Variants in PACRGL observed in about 807,000 individuals in gnomAD.
The protein encoded by PACRGL is parkin coregulated like, also known as PACRG-like protein.
In PACRGL, 38 loss-of-function variants were observed where a neutral mutation model predicts 34.5. The observed-to-expected ratio is 1.10, with a 90% CI of 0.85 to 1.44. The LOEUF is 1.44. PACRGL is among the 40% of genes most tolerant of loss of function. PACRGL has a pLI of 0.00. For synonymous variants in PACRGL, 128 were observed against 100.1 expected (o/e 1.28, Z -1.66); for missense variants, 305 against 281.4 (o/e 1.08, Z -0.60).
chr4:20,713,392 C>T (rs368991028), intron 6 of PACRGL, 40 bp from the exon 7 acceptor site: 2 of 1,480,526 alleles, frequency 1.4e-6, no homozygotes, highest in South Asian at 1.1e-5. Flanking sequence ...CTCCTCTCTT[C>T]CCTGATGTCC....
At chr4:20,709,891 A>G (rs1736311845) in intron 5 of PACRGL, 118 bp downstream of exon 5, 6 of 742,214 alleles carry the variant, frequency 8.1e-6, no homozygotes, top group African/African-American at 5.2e-5. Context: ...GAAGCACACA[A>G]TAGGCATTGA....
chr4:20,712,826 A>T lies in PACRGL; in HGVS notation c.405A>T (p.Ser135=). 1.3e-6 allele frequency: 2 copies of T among 1,597,416 alleles called. No homozygotes were observed. Among genetic ancestry groups the T allele is most frequent in the Non-Finnish European group, 1.7e-6 (2 of 1,170,132 alleles). ...CTAAGCATCCATACACTTTTGTGTC[A>T]AAGGAGGGTTTTAGAGAATTACTTT... The part of the protein sequence containing the change: ...RETKHPYTFV[S]KEGFRELLLV... The change falls in exon 6 of 9, where the codon TCA becomes TCT. Residue 135 remains serine, a synonymous_variant. Coordinates refer to ENST00000503585, the MANE Select transcript of PACRGL (RefSeq NM_001258345.3).
intron 8 of PACRGL, among the ~76,000 whole-genome samples, chr4:20,751,354 T>C (rs1753590686): frequency 6.6e-6 from 1 of 152,178 alleles, no homozygotes; most frequent in South Asian, 2.1e-4. Context: ...AGGAGTTTAA[T>C]TACCATAAAC....
In PACRGL at chr4:20,728,466, C is replaced by CAA. The variant is rs1746691037; in HGVS notation, c.*1126_*1127dup. On this transcript the variant is annotated 3_prime_UTR_variant, in exon 9 of 9. Transcript: ENST00000503585. ...TAATAGAAGCAATTCCCTCTGGCTACAACAGCTGCCTGCCTGCTGGCCTTG... is the reference window on the plus strand; with the variant it reads ...TAATAGAAGCAATTCCCTCTGGCTACAAAACAGCTGCCTGCCTGCTGGCCTTG... 6.6e-6 allele frequency: 1 copy of CAA among 152,234 alleles called. No individual in the cohort carries two copies. The allele number at this position is 152,234 out of a possible 1,614,324, so 9.4% of individuals were successfully genotyped here.
chr4:20,732,676 C>T, downstream of PACRGL: 1 of 1,594,086 alleles, frequency 6.3e-7, no homozygotes, highest in Non-Finnish European at 8.6e-7. Context: ...TGTTTTAATT[C>T]CTACCTGAAA....
Position 20,704,863 on chromosome 4 carries a change from G to A in PACRGL, c.207+49G>A, listed in dbSNP as rs372081853. 4.2e-5 allele frequency: 67 copies of A among 1,585,080 alleles called. 1 individual carries two copies. The highest frequency in any genetic ancestry group is 3.9e-4 in the African/African-American group (29 of 74,232). On this transcript the variant is annotated intron_variant, in intron 3 of 8. Transcript: ENST00000503585. ...TCAGTAGATTTTTTAAAGGCATTTCGCACAGTATTGAACAATGCTGGATGC... is the reference window on the plus strand; with the variant it reads ...TCAGTAGATTTTTTAAAGGCATTTCACACAGTATTGAACAATGCTGGATGC...
upstream of PACRGL, among the ~76,000 whole-genome samples, chr4:20,699,112 CTA>C: frequency 6.6e-6 from 1 of 152,190 alleles, no homozygotes; most frequent in South Asian, 2.1e-4. Context: ...ACTAGGAGCT[CTA>C]CTGAGTCTGA....
At chr4:20,699,731 T>G (rs1365323314), upstream of PACRGL, among the ~76,000 whole-genome samples, 1 of 152,174 alleles carries the variant, frequency 6.6e-6, no homozygotes, top group African/African-American at 2.4e-5. Context: ...GGGCTTGGAC[T>G]TAACTATGAC....
chr4:20,706,239 CAAAG>C (rs1201084950), intron 3 of PACRGL, among the ~76,000 whole-genome samples: 2 of 151,862 alleles, frequency 1.3e-5, no homozygotes, highest in East Asian at 1.9e-4. Context: ...AATTGAAAGG[CAAAG>C]AAAGGAATTG....
chr4:20,707,560 A>C (rs1428820392), intron 3 of PACRGL, among the ~76,000 whole-genome samples: 1 of 152,218 alleles, frequency 6.6e-6, no homozygotes, highest in East Asian at 1.9e-4. Flanking sequence ...AGGTAGAAAG[A>C]ACTATCATTC....
At chr4:20,698,063 A>G (rs189489540), upstream of PACRGL, among the ~76,000 whole-genome samples, 819 of 152,236 alleles carry the variant, frequency 5.4e-3, 9 homozygotes, top group African/African-American at 0.019. Context: ...AGGAGAATGA[A>G]TACTCTGACT....
At position 20,717,343 on chromosome 4, in the gene PACRGL, C is replaced by T. The variant is rs1361492530; in HGVS notation, c.609+3804C>T. Among the ~76,000 whole-genome samples the T allele has an allele frequency of 2.0e-5, 3 of 152,186 alleles. No homozygotes were observed. The South Asian group carries it at 6.2e-4, about 32-fold the overall frequency. ...GCAGAAGCTCTTTAGTTTAATTAGACACCAGTTGTCAATTTTGGCTTTTGT... is the reference window on the plus strand; with the variant it reads ...GCAGAAGCTCTTTAGTTTAATTAGATACCAGTTGTCAATTTTGGCTTTTGT... On this transcript the variant is annotated intron_variant, in intron 7 of 8. Coordinates refer to ENST00000503585, the MANE Select transcript of PACRGL (RefSeq NM_001258345.3).
Position 20,701,849 on chromosome 4 carries a change from G to A in PACRGL, c.-17+1062G>A, listed in dbSNP as rs116039984. 190 of 456,538 alleles carry A rather than the reference G, an allele frequency of 4.2e-4. 1 individual carries two copies. Among genetic ancestry groups the A allele is most frequent in the African/African-American group, 3.4e-3 (173 of 50,152 alleles). The allele number at this position is 456,538 out of a possible 1,614,324, so 28.3% of individuals were successfully genotyped here. On this transcript the variant is annotated intron_variant, in intron 1 of 8. Coordinates refer to ENST00000503585, the MANE Select transcript of PACRGL (RefSeq NM_001258345.3). ...GGTCAAATCTATAGATGTGGAACCCGCATATACGGAGAGCCAACTGTAATT... is the reference window on the plus strand; with the variant it reads ...GGTCAAATCTATAGATGTGGAACCCACATATACGGAGAGCCAACTGTAATT...
rs1748433382 is a variant in PACRGL at position 20,732,120 on chromosome 4, C to T, written c.*4779C>T. On this transcript the variant is annotated 3_prime_UTR_variant, in exon 9 of 9. Transcript: ENST00000503585. ...ATTTAGACTTATCCCTTAATACCCT[C>T]ACACCTGGACCAAATGAGCTGAAGC... 1 of 1,211,158 alleles carries T rather than the reference C, an allele frequency of 8.3e-7. No individual in the cohort carries two copies. Among genetic ancestry groups the T allele is most frequent in the Non-Finnish European group, 1.2e-6 (1 of 824,058 alleles). 75.0% of individuals were successfully genotyped at this position (1,211,158 alleles called of 1,614,324 possible). A position where few individuals can be genotyped will look rare whatever the true frequency, so the allele number is the denominator to read the frequency against.
the PACRGL span, chr4:20,758,721 C>A: frequency 9.1e-6 from 8 of 883,326 alleles, no homozygotes; most frequent in African/African-American, 1.7e-5. Context: ...TTTTACATAA[C>A]GATTAAAAAT....
chr4:20,706,877 T>G (rs1011972852), intron 3 of PACRGL, among the ~76,000 whole-genome samples: 2 of 152,156 alleles, frequency 1.3e-5, no homozygotes, highest in African/African-American at 4.8e-5. Flanking sequence ...CCTGGCCAGA[T>G]ATGAATCTTT....
At chr4:20,717,813 G>A (rs1427983299) in intron 7 of PACRGL, among the ~76,000 whole-genome samples, 4 of 152,072 alleles carry the variant, frequency 2.6e-5, no homozygotes, top group Non-Finnish European at 5.9e-5. Context: ...TCTTGGCAAT[G>A]TGGGCTCTTT....
Position 20,704,637 on chromosome 4 carries a change from A to G in PACRGL, c.53-23A>G, listed in dbSNP as rs372017162. 143 of 1,613,900 alleles carry G rather than the reference A, an allele frequency of 8.9e-5. No individual in the cohort carries two copies. In the African/African-American group the frequency reaches 1.7e-3, roughly 19 times the overall value. On this transcript the variant is annotated intron_variant, in intron 2 of 8. Transcript: ENST00000503585. ...ACTTTATTGCTTGTACCTGGTTTCT[A>G]TTGATGTTCTGTTTTTTTCCAGGTA...
intron 8 of PACRGL, among the ~76,000 whole-genome samples, chr4:20,748,902 A>G (rs374200966): frequency 0.16 from 22,115 of 134,188 alleles, 2,193 homozygotes; most frequent in African/African-American, 0.29. Flanking sequence ...GTGTATATAT[A>G]TATATATATA....
Sources: gnomAD v4.1 joint callset for allele counts (sites outside exome capture counted in the v4.1 genomes callset) on GRCh38, gnomAD v4.1.1 for gene constraint, MANE v1.5 for transcripts, NCBI Gene and HGNC (gene_info 2026-07-23, HGNC 2026-07-21) for gene names.